The following VTI1A variants were observed in gnomAD, a reference collection of about 807,000 sequenced individuals.
VTI1A encodes vesicle transport through interaction with t-SNAREs homolog 1A.
In VTI1A, 22 loss-of-function variants were observed where a neutral mutation model predicts 34.9. The observed-to-expected ratio is 0.63, with a 90% CI of 0.45 to 0.90. VTI1A has a LOEUF of 0.90. VTI1A is among the 40% of genes least tolerant of loss of function. The pLI, the probability that VTI1A is intolerant of heterozygous loss-of-function variation, is 0.00. For missense variants in VTI1A, 268 were observed against 275.6 expected, an observed-to-expected ratio of 0.97 and a Z score of 0.20; for synonymous variants, 87 against 97.3, an observed-to-expected ratio of 0.89 and a Z score of 0.62.
At chr10:112,562,988 G>T (rs1443504317) in intron 5 of VTI1A, among the ~76,000 whole-genome samples, 1 of 152,044 alleles carries the variant, frequency 6.6e-6, no homozygotes, top group Non-Finnish European at 1.5e-5. Flanking sequence ...TTTTTCATAA[G>T]AACATCAAAA....
intron 7 of VTI1A, among the ~76,000 whole-genome samples, chr10:112,697,391 TTTC>T (rs1296358973): frequency 6.1e-4 from 82 of 134,120 alleles, no homozygotes; most frequent in African/African-American, 2.9e-3. Context: ...TTTCTTTTCT[TTTC>T]TTTTCTTTTT....
intron 5 of VTI1A, among the ~76,000 whole-genome samples, chr10:112,658,863 T>A (rs975277171): frequency 6.6e-6 from 1 of 152,222 alleles, no homozygotes; most frequent in Admixed American, 6.5e-5. Context: ...TAAACAAATT[T>A]TTCCTGTGAT....
chr10:112,819,674 GT>G (rs2134101956), downstream of VTI1A, among the ~76,000 whole-genome samples: 1 of 152,236 alleles, frequency 6.6e-6, no homozygotes, highest in African/African-American at 2.4e-5. Context: ...CTTGCTATTG[GT>G]GAATGGCTCT....
chr10:112,647,385 T>C (rs1189194077), intron 5 of VTI1A, among the ~76,000 whole-genome samples: 2 of 152,234 alleles, frequency 1.3e-5, no homozygotes, highest in Non-Finnish European at 2.9e-5. Context: ...AGTCAGGCTC[T>C]GCTTATAAAA....
intron 3 of VTI1A, among the ~76,000 whole-genome samples, chr10:112,496,871 A>G (rs1036697870): frequency 1.3e-5 from 2 of 152,178 alleles, no homozygotes; most frequent in Non-Finnish European, 2.9e-5. Flanking sequence ...TTTCTAACCA[A>G]TACAACTGCC....
chr10:112,737,576 G>A (rs1301891760), intron 7 of VTI1A: 3 of 1,048,886 alleles, frequency 2.9e-6, no homozygotes, highest in East Asian at 5.5e-5. Flanking sequence ...GGGCGGCAGG[G>A]ACAGCATGTA....
intron 5 of VTI1A, among the ~76,000 whole-genome samples, chr10:112,647,771 T>A (rs1846859045): frequency 6.6e-6 from 1 of 152,164 alleles, no homozygotes. Flanking sequence ...TATTTTTAAT[T>A]TTATTTTTAT....
intron 1 of VTI1A, among the ~76,000 whole-genome samples, chr10:112,453,381 C>T (rs1325457400): frequency 6.6e-6 from 1 of 152,150 alleles, no homozygotes; most frequent in Non-Finnish European, 1.5e-5. Flanking sequence ...ATATGCATAG[C>T]CTATACTTAA....
intron 7 of VTI1A, among the ~76,000 whole-genome samples, chr10:112,802,916 A>G (rs4633389): frequency 0.76 from 115,757 of 152,142 alleles, 45,047 homozygotes; most frequent in Non-Finnish European, 0.85. Flanking sequence ...GAAAGGGCAT[A>G]TTCTCAGAGA....
At chr10:112,837,564 C>T in the VTI1A span, among the ~76,000 whole-genome samples, 1 of 152,192 alleles carries the variant, frequency 6.6e-6, no homozygotes, top group African/African-American at 2.4e-5. Flanking sequence ...CTGCTCCAGC[C>T]TCTATCTCAG....
rs10711229 is a variant in VTI1A, at chr10:112,454,712, C to CA, written c.95-5796dup. 3.6e-3 allele frequency among the ~76,000 whole-genome samples: 489 copies of CA among 134,566 alleles called. 3 individuals carry two copies. The highest frequency in any genetic ancestry group is 0.01 in the African/African-American group (361 of 35,468). The allele number at this position is 134,566 out of a possible 152,430, so 88.3% of individuals were successfully genotyped here. ...ATCAGCACTTATCAAGCTTATAGAC[C>CA]AAAAAAAAAAAAAAAAGTGGGAGAC... On this transcript the variant is annotated intron_variant, in intron 1 of 7. Coordinates refer to ENST00000393077, the MANE Select transcript of VTI1A (RefSeq NM_145206.4).
chr10:112,582,582 G>A (rs1288430401), intron 5 of VTI1A, among the ~76,000 whole-genome samples: 2 of 152,124 alleles, frequency 1.3e-5, no homozygotes, highest in African/African-American at 2.4e-5. Flanking sequence ...TGGTAGAAAA[G>A]TAGTGATTTT....
intron 7 of VTI1A, among the ~76,000 whole-genome samples, chr10:112,674,663 A>G (rs1256016255): frequency 2.0e-5 from 3 of 152,194 alleles, no homozygotes; most frequent in South Asian, 2.1e-4. Flanking sequence ...TGTATTGTAC[A>G]TCTTATCTGA....
chr10:112,745,301 G>T (rs552823509), intron 7 of VTI1A, among the ~76,000 whole-genome samples: 1 of 151,888 alleles, frequency 6.6e-6, no homozygotes, highest in Non-Finnish European at 1.5e-5. Context: ...TAGTAATGTC[G>T]TGGAAGTTTT....
the VTI1A span, among the ~76,000 whole-genome samples, chr10:112,838,978 C>T: frequency 4.3e-3 from 658 of 152,326 alleles, 9 homozygotes; most frequent in African/African-American, 0.015. Flanking sequence ...GATGCAAGAA[C>T]GCCACTTTCT....
At chr10:112,546,672 C>CT (rs146645998) in intron 5 of VTI1A, among the ~76,000 whole-genome samples, 7,370 of 151,172 alleles carry the variant, frequency 0.049, 593 homozygotes, top group African/African-American at 0.17. Context: ...TACTCACATC[C>CT]TTTTTTTTTA....
At chr10:112,690,309 A>G (rs1214567016) in intron 7 of VTI1A, among the ~76,000 whole-genome samples, 1 of 152,186 alleles carries the variant, frequency 6.6e-6, no homozygotes, top group Non-Finnish European at 1.5e-5. Flanking sequence ...TATGGTAAGT[A>G]TATGTTTAAT....
At chr10:112,584,631 C>T (rs894420048) in intron 5 of VTI1A, among the ~76,000 whole-genome samples, 1 of 152,212 alleles carries the variant, frequency 6.6e-6, no homozygotes, top group Non-Finnish European at 1.5e-5. Context: ...TGACCGACAA[C>T]AAACTAAGCT....
chr10:112,748,662 G>A (rs933728798), intron 7 of VTI1A, among the ~76,000 whole-genome samples: 1 of 115,330 alleles, frequency 8.7e-6, no homozygotes, highest in Non-Finnish European at 1.6e-5. Flanking sequence ...GTCTCGCTCT[G>A]TCGCCCAGGC....
Sources: allele counts gnomAD v4.1 joint callset (sites outside exome capture counted in the v4.1 genomes callset), GRCh38; gene constraint gnomAD v4.1.1; transcripts MANE v1.5; gene names NCBI Gene and HGNC (gene_info 2026-07-23, HGNC 2026-07-21).